The following HRH1 variants were observed in gnomAD, a reference collection of about 807,000 sequenced individuals.
The protein encoded by HRH1 is histamine H1 receptor.
Under a neutral mutation model 10.3 loss-of-function variants are expected in HRH1, and 6 were observed. That is an observed-to-expected ratio of 0.58 (90% CI 0.32 to 1.15). The LOEUF (loss-of-function observed/expected upper bound fraction) is 1.15, where lower values mean the gene tolerates loss of function less well. HRH1 is among the 50% of genes most tolerant of loss of function. The pLI is 0.05. For missense variants in HRH1, 514 were observed against 615.3 expected (o/e 0.84, Z 1.74); for synonymous variants, 242 against 236.7 (o/e 1.02, Z -0.21).
At chr3:11,254,061 C>G (rs570376173) in intron 1 of HRH1, among the ~76,000 whole-genome samples, 2 of 152,114 alleles carry the variant, frequency 1.3e-5, no homozygotes, top group Non-Finnish European at 2.9e-5. Flanking sequence ...AATATTCTAA[C>G]GTTAGGCCTA....
chr3:11,144,448 C>T (rs1315133210), intron 1 of HRH1, among the ~76,000 whole-genome samples: 2 of 151,564 alleles, frequency 1.3e-5, no homozygotes, highest in Non-Finnish European at 3.0e-5. Flanking sequence ...TATAGACATA[C>T]GTCTATAGGT....
At position 11,260,538 on chromosome 3, in the gene HRH1, T is replaced by C. The variant is rs1939927836; in HGVS notation, c.*37T>C. 1 of 1,529,708 alleles carries C rather than the reference T, an allele frequency of 6.5e-7. No individual in the cohort carries two copies. The allele number at this position is 1,529,708 out of a possible 1,614,324, so 94.8% of individuals were successfully genotyped here. ...AGGGGATGCAACAAAATGATCCTTATGATGTCCAACAAGGAAATAGAGGAC... is the reference window on the plus strand; with the variant it reads ...AGGGGATGCAACAAAATGATCCTTACGATGTCCAACAAGGAAATAGAGGAC... On this transcript the variant is annotated 3_prime_UTR_variant, in exon 2 of 2. Coordinates refer to ENST00000431010, the MANE Select transcript of HRH1 (RefSeq NM_001098212.2).
chr3:11,139,990 A>G (rs771205437), intron 1 of HRH1, among the ~76,000 whole-genome samples: 2 of 152,226 alleles, frequency 1.3e-5, no homozygotes, highest in African/African-American at 2.4e-5. Flanking sequence ...TGTGAATTTT[A>G]GCTCATAAAA....
intron 1 of HRH1, among the ~76,000 whole-genome samples, chr3:11,222,074 T>C (rs1938727653): frequency 6.6e-6 from 1 of 152,226 alleles, no homozygotes; most frequent in African/African-American, 2.4e-5. Context: ...TCAGTTTCTC[T>C]TTAAAAGTGT....
rs140160558 is a variant in HRH1 at position 11,170,655 on chromosome 3, G to A, written c.-36+16101G>A. ...AGTGGCAGAGCCAGGATTCAAGATC[G>A]GTATCATAGTCAGATGAACACAAGG... is the stretch of plus-strand genomic sequence containing the variant. On this transcript the variant is annotated intron_variant, in intron 1 of 1. Coordinates refer to ENST00000431010, the MANE Select transcript of HRH1 (RefSeq NM_001098212.2). Among the ~76,000 whole-genome samples, 25 of 152,310 alleles carry A rather than the reference G, an allele frequency of 1.6e-4. No homozygotes were observed. The East Asian group carries it at 1.9e-3, about 12-fold the overall frequency.
At chr3:11,229,701 C>T (rs750251151) in intron 1 of HRH1, among the ~76,000 whole-genome samples, 1 of 152,144 alleles carries the variant, frequency 6.6e-6, no homozygotes, top group Non-Finnish European at 1.5e-5. Flanking sequence ...GCCTTCCTCA[C>T]AATATCTGGC....
chr3:11,200,299 A>G (rs1937854024), intron 1 of HRH1, among the ~76,000 whole-genome samples: 3 of 152,174 alleles, frequency 2.0e-5, no homozygotes, highest in Admixed American at 1.3e-4. Context: ...GAGGGAGTAT[A>G]CATTTCCTTA....
At position 11,248,456 on chromosome 3, in the gene HRH1, A is replaced by G. The variant is rs1436602167; in HGVS notation, c.-35-10547A>G. Among the ~76,000 whole-genome samples, 5 of 152,288 alleles carry G rather than the reference A, an allele frequency of 3.3e-5. No homozygotes were observed. The East Asian group carries it at 9.6e-4, about 29-fold the overall frequency. ...ATCCAGGAGGGACGTGTCTCTTTTT[A>G]CAATATTCTGTCTTCAGCTTTCTTG... On this transcript the variant is annotated intron_variant, in intron 1 of 1. Transcript: ENST00000431010.
intron 1 of HRH1, among the ~76,000 whole-genome samples, chr3:11,236,047 GTCT>G (rs1215518622): frequency 6.6e-6 from 1 of 152,224 alleles, no homozygotes; most frequent in Non-Finnish European, 1.5e-5. Flanking sequence ...ACCTGTCAGA[GTCT>G]TCTTGTGTTT....
chr3:11,155,714 A>T (rs565232329), intron 1 of HRH1, among the ~76,000 whole-genome samples: 1 of 152,240 alleles, frequency 6.6e-6, no homozygotes, highest in South Asian at 2.1e-4. Flanking sequence ...GCGGGGCCAG[A>T]AACCTGTGAC....
intron 1 of HRH1, among the ~76,000 whole-genome samples, chr3:11,212,932 A>G (rs1938375104): frequency 6.6e-6 from 1 of 151,854 alleles, no homozygotes; most frequent in Non-Finnish European, 1.5e-5. Context: ...AGATGTGCCC[A>G]CCCCAGGGCC....
chr3:11,139,257 G>C (rs1188978758), intron 1 of HRH1, among the ~76,000 whole-genome samples: 9 of 151,316 alleles, frequency 5.9e-5, no homozygotes, highest in Non-Finnish European at 1.2e-4. Flanking sequence ...AGAATACTGG[G>C]ATTACAGGAA....
chr3:11,210,073 G>C (rs1174658892), intron 1 of HRH1, among the ~76,000 whole-genome samples: 1 of 152,166 alleles, frequency 6.6e-6, no homozygotes. Flanking sequence ...GGGTGACTTT[G>C]TCATTGGTTT....
intron 1 of HRH1, chr3:11,252,669 C>G (rs1939683529): frequency 6.6e-6 from 1 of 152,150 alleles, no homozygotes; most frequent in African/African-American, 2.4e-5. Flanking sequence ...TTGCACTAAC[C>G]AGTATGACCT....
intron 1 of HRH1, among the ~76,000 whole-genome samples, chr3:11,139,359 G>A (rs1433911563): frequency 4.7e-5 from 7 of 148,072 alleles, no homozygotes; most frequent in South Asian, 2.2e-4. Context: ...GGCTCACTGC[G>A]ACCTCCGCCT....
At chr3:11,187,613 C>A (rs549632921) in intron 1 of HRH1, among the ~76,000 whole-genome samples, 2 of 152,068 alleles carry the variant, frequency 1.3e-5, no homozygotes, top group Non-Finnish European at 2.9e-5. Flanking sequence ...GTAGCAAAGT[C>A]AGGTATGCAT....
chr3:11,261,342 C>T lies in HRH1; in HGVS notation c.*841C>T, dbSNP rs1240387814. On this transcript the variant is annotated 3_prime_UTR_variant, in exon 2 of 2. Transcript: ENST00000431010. ...GGGCAGAATGCCATATTTTTGAGGG[C>T]TGTACTAGGTTTATCTCATTTAAGC... is the stretch of plus-strand genomic sequence containing the variant. 6.0e-6 allele frequency: 1 copy of T among 167,022 alleles called. No individual in the cohort carries two copies. Among genetic ancestry groups the T allele is most frequent in the Non-Finnish European group, 1.5e-5 (1 of 68,114 alleles). 10.3% of individuals were successfully genotyped at this position (167,022 alleles called of 1,614,324 possible).
intron 1 of HRH1, among the ~76,000 whole-genome samples, chr3:11,140,615 T>C (rs1936274348): frequency 6.6e-6 from 1 of 152,110 alleles, no homozygotes; most frequent in Non-Finnish European, 1.5e-5. Flanking sequence ...GACCTCTTCC[T>C]GAAACCTCCC....
chr3:11,186,252 G>C (rs528580730), intron 1 of HRH1, among the ~76,000 whole-genome samples: 14 of 152,274 alleles, frequency 9.2e-5, no homozygotes, highest in African/African-American at 3.4e-4. Context: ...GATGTATTGA[G>C]CAGCTGTCAT....
Sources: allele counts gnomAD v4.1 joint callset (sites outside exome capture counted in the v4.1 genomes callset), GRCh38; gene constraint gnomAD v4.1.1; transcripts MANE v1.5; gene names NCBI Gene and HGNC (gene_info 2026-07-23, HGNC 2026-07-21).